Variants in MXI1 observed in about 807,000 individuals in gnomAD.
MXI1 encodes the protein max-interacting protein 1.
In MXI1, 18 loss-of-function variants were observed where a neutral mutation model predicts 36.9. That is an observed-to-expected ratio of 0.49 (90% CI 0.34 to 0.72). The LOEUF is 0.72. MXI1 is among the 30% of genes least tolerant of loss of function. MXI1 has a pLI of 0.01. For missense variants in MXI1, 304 were observed against 379.1 expected, an observed-to-expected ratio of 0.80 and a Z score of 1.64; for synonymous variants, 160 against 146.7, an observed-to-expected ratio of 1.09 and a Z score of -0.65.
chr10:110,229,878 AG>A (rs1267136913), intron 2 of MXI1, among the ~76,000 whole-genome samples: 2 of 152,096 alleles, frequency 1.3e-5, no homozygotes, highest in African/African-American at 4.8e-5. Flanking sequence ...TTGGAGACAT[AG>A]GAAGAGTACA....
intron 3 of MXI1, among the ~76,000 whole-genome samples, chr10:110,267,393 C>T (rs1856710659): frequency 6.6e-6 from 1 of 152,100 alleles, no homozygotes; most frequent in African/African-American, 2.4e-5. Flanking sequence ...TTTTCTGAGC[C>T]ATCTGTTGGT....
intron 3 of MXI1, among the ~76,000 whole-genome samples, chr10:110,272,168 CTG>C (rs573760775): frequency 3.8e-4 from 58 of 152,280 alleles, no homozygotes; most frequent in African/African-American, 1.3e-3. Context: ...GCTCCAAAAT[CTG>C]AAACATTTTG....
At chr10:110,276,405 C>T (rs562134319) in intron 3 of MXI1, among the ~76,000 whole-genome samples, 1 of 152,210 alleles carries the variant, frequency 6.6e-6, no homozygotes, top group South Asian at 2.1e-4. Flanking sequence ...CTAGCAAATC[C>T]TCACTTTTTC....
chr10:110,244,926 T>C, intron 3 of MXI1, 69 bp downstream of exon 3: 1 of 1,489,118 alleles, frequency 6.7e-7, no homozygotes, highest in Non-Finnish European at 9.2e-7. Context: ...CCTGTGAAAA[T>C]AATGTAATAG....
chr10:110,276,613 AT>A (rs36065116), intron 3 of MXI1, among the ~76,000 whole-genome samples: 4 of 150,344 alleles, frequency 2.7e-5, no homozygotes, highest in South Asian at 2.1e-4. Flanking sequence ...TAAAGTTAAC[AT>A]TTTTTTTTTA....
intron 5 of MXI1, among the ~76,000 whole-genome samples, chr10:110,283,303 G>A (rs974484468): frequency 3.4e-5 from 5 of 147,066 alleles, no homozygotes; most frequent in Non-Finnish European, 7.4e-5. Flanking sequence ...TCGCTCTGTC[G>A]CCTAGGCTGG....
intron 1 of MXI1, among the ~76,000 whole-genome samples, chr10:110,210,770 A>G (rs1030379455): frequency 1.3e-5 from 2 of 152,180 alleles, no homozygotes; most frequent in African/African-American, 4.8e-5. Flanking sequence ...TGCTCGCTGC[A>G]CACAATGCCC....
chr10:110,207,844 C>T lies in MXI1; in HGVS notation c.36C>T (p.Arg12=). The T allele has an allele frequency of 8.8e-7, 1 of 1,142,472 alleles. No individual in the cohort carries two copies. Among genetic ancestry groups the T allele is most frequent in the Non-Finnish European group, 1.1e-6 (1 of 931,484 alleles). 70.8% of individuals were successfully genotyped at this position (1,142,472 alleles called of 1,614,324 possible). The change falls in exon 1 of 6, where the codon CGC becomes CGT. Residue 12 remains arginine, a synonymous_variant. Transcript: ENST00000332674. The stretch of plus-strand genomic sequence containing the variant: ...GCGGGCGGCCGCGCAAGGAGGCGCG[C>T]TGCGAGGGCGCGGGGCTGGCCCCCG... ...GKRGRPRKEA[R]CEGAGLAPAA... is the part of the protein sequence containing the mutation.
chr10:110,245,710 G>A (rs1181157266), intron 3 of MXI1: 4 of 152,172 alleles, frequency 2.6e-5, no homozygotes, highest in Non-Finnish European at 5.9e-5. Context: ...CATATGATCA[G>A]CCTGTGTCTT....
At chr10:110,228,866 G>GA (rs944985107) in intron 2 of MXI1, among the ~76,000 whole-genome samples, 13 of 151,090 alleles carry the variant, frequency 8.6e-5, no homozygotes, top group South Asian at 2.1e-4. Context: ...AAGCAAAAAG[G>GA]AAAAAAAAAT....
intron 2 of MXI1, among the ~76,000 whole-genome samples, chr10:110,242,805 G>T (rs1855719940): frequency 6.6e-6 from 1 of 151,940 alleles, no homozygotes; most frequent in Non-Finnish European, 1.5e-5. Flanking sequence ...CTGTCAGTGG[G>T]ATTGCCAGAC....
intron 3 of MXI1, among the ~76,000 whole-genome samples, chr10:110,258,040 C>G (rs1450848916): frequency 6.6e-6 from 1 of 151,774 alleles, no homozygotes; most frequent in South Asian, 2.1e-4. Context: ...AAAGAATTTA[C>G]TAGTTTTATA....
At chr10:110,281,512 A>AT (rs1491180577) in intron 5 of MXI1, among the ~76,000 whole-genome samples, 1 of 152,042 alleles carries the variant, frequency 6.6e-6, no homozygotes, top group Non-Finnish European at 1.5e-5. Flanking sequence ...ATCTATAATA[A>AT]TTTTTTCTCT....
intron 2 of MXI1, among the ~76,000 whole-genome samples, chr10:110,239,808 A>G (rs1461036785): frequency 6.6e-6 from 1 of 152,192 alleles, no homozygotes; most frequent in East Asian, 1.9e-4. Flanking sequence ...ACATACAAAA[A>G]AAGCATACAA....
At chr10:110,263,224 G>A (rs1856577054) in intron 3 of MXI1, among the ~76,000 whole-genome samples, 1 of 152,066 alleles carries the variant, frequency 6.6e-6, no homozygotes, top group South Asian at 2.1e-4. Flanking sequence ...GGTAAAACCT[G>A]CCATGTCGAG....
At chr10:110,251,186 G>A (rs1470326512) in intron 3 of MXI1, among the ~76,000 whole-genome samples, 2 of 151,764 alleles carry the variant, frequency 1.3e-5, no homozygotes, top group Non-Finnish European at 2.9e-5. Flanking sequence ...AGGTAGAAAG[G>A]CAGAAAGTTT....
chr10:110,207,778 G>A lies in MXI1; in HGVS notation c.-31G>A, dbSNP rs1431583321. On this transcript the variant is annotated 5_prime_UTR_variant, in exon 1 of 6. Transcript: ENST00000332674. ...TCGGCCGGGCCGCGCAGCCCCGTTA[G>A]AGGACGAGCTCGGCGGACCCCCGCT... 14 of 1,132,102 alleles carry A rather than the reference G, an allele frequency of 1.2e-5. No individual in the cohort carries two copies. The highest frequency in any genetic ancestry group is 8.3e-5 in the African/African-American group (5 of 60,158). 70.1% of individuals were successfully genotyped at this position (1,132,102 alleles called of 1,614,324 possible).
At chr10:110,284,801 C>CTTCTTTTTTT in intron 5 of MXI1, 23 bp from the exon 6 acceptor site, 1 of 1,195,748 alleles carries the variant, frequency 8.4e-7, no homozygotes, top group Non-Finnish European at 1.1e-6. Flanking sequence ...TAATGTTCTT[C>CTTCTTTTTTT]TTTTTTTTTT....
chr10:110,223,130 A>G (rs920925909), intron 1 of MXI1, among the ~76,000 whole-genome samples: 29 of 152,288 alleles, frequency 1.9e-4, no homozygotes, highest in African/African-American at 6.5e-4. Context: ...GTTCACCTGG[A>G]GGTCAACTGT....
Sources: gnomAD v4.1 joint callset for allele counts (sites outside exome capture counted in the v4.1 genomes callset) on GRCh38, gnomAD v4.1.1 for gene constraint, MANE v1.5 for transcripts, NCBI Gene and HGNC (gene_info 2026-07-23, HGNC 2026-07-21) for gene names.